The following ELMO1 variants were observed in gnomAD, a reference collection of about 807,000 sequenced individuals.
ELMO1 encodes the protein engulfment and cell motility protein 1.
A neutral mutation model predicts 98.9 loss-of-function variants in ELMO1; 26 were observed. That is an observed-to-expected ratio of 0.26 (90% CI 0.19 to 0.36). ELMO1 has a LOEUF of 0.36. ELMO1 is among the 10% of genes least tolerant of loss of function. The pLI, the probability that ELMO1 is intolerant of heterozygous loss-of-function variation, is 1.00. For missense variants in ELMO1, 627 were observed against 935.2 expected (o/e 0.67, Z 4.30); for synonymous variants, 346 against 346.0 (o/e 1.00, Z 0.00).
chr7:37,248,494 C>T (rs1398981444), intron 6 of ELMO1, among the ~76,000 whole-genome samples: 1 of 152,188 alleles, frequency 6.6e-6, no homozygotes, highest in African/African-American at 2.4e-5. Context: ...TCTGACAAAG[C>T]CCAAGAAGGT....
At chr7:37,378,785 C>T (rs540731845) in intron 1 of ELMO1, among the ~76,000 whole-genome samples, 1 of 151,946 alleles carries the variant, frequency 6.6e-6, no homozygotes, top group African/African-American at 2.4e-5. Context: ...ATATTCAAAA[C>T]TAACAGATCC....
rs191459433 is a variant in ELMO1 at position 37,046,262 on chromosome 7, G to C, written c.1301-32827C>G. 2.5e-4 allele frequency among the ~76,000 whole-genome samples: 38 copies of C among 152,302 alleles called. No homozygotes were observed. The East Asian group carries it at 7.3e-3, about 29-fold the overall frequency. On this transcript the variant is annotated intron_variant, in intron 15 of 21. Coordinates refer to ENST00000310758, the MANE Select transcript of ELMO1 (RefSeq NM_014800.11). ...CACAATTTCAATAGACTAACTCAGG[G>C]CTGGCCTCTGAAAGAGAGAAACTGC...
At chr7:37,279,848 T>C (rs1027992456) in intron 4 of ELMO1, among the ~76,000 whole-genome samples, 4 of 152,266 alleles carry the variant, frequency 2.6e-5, no homozygotes, top group Admixed American at 2.0e-4. Context: ...GGGAGCTGGG[T>C]GAAGCCTGTC....
At chr7:36,883,693 G>C (rs1299196678) in intron 18 of ELMO1, among the ~76,000 whole-genome samples, 1 of 152,120 alleles carries the variant, frequency 6.6e-6, no homozygotes, top group Admixed American at 6.5e-5. Flanking sequence ...GTTTCCTGTG[G>C]CCTCCCCAGA....
intron 17 of ELMO1, among the ~76,000 whole-genome samples, chr7:36,888,865 C>T (rs931321435): frequency 6.6e-6 from 1 of 152,208 alleles, no homozygotes; most frequent in African/African-American, 2.4e-5. Context: ...GAGAAAGGTA[C>T]TCATGCTTGT....
chr7:37,124,937 G>A (rs1786390442), intron 14 of ELMO1, among the ~76,000 whole-genome samples: 3 of 152,110 alleles, frequency 2.0e-5, no homozygotes, highest in Admixed American at 2.0e-4. Context: ...CCAAAACAGA[G>A]ATATAGATCA....
At position 36,887,574 on chromosome 7, in the gene ELMO1, G is replaced by A. The variant is rs1352299028; in HGVS notation, c.1700C>T (p.Ala567Val). Residue 567 changes from alanine (A) to valine (V), a missense_variant, in exon 18 of 22, where the codon GCC becomes GTC. Ala to Val is a moderately conservative substitution (Grantham distance 64). Around this residue, in one of 3 missense-constraint regions of ELMO1, gnomAD observed 492 missense variants for 715.6 expected, o/e 0.69. Coordinates refer to ENST00000310758, the MANE Select transcript of ELMO1 (RefSeq NM_014800.11). Reference protein sequence around the residue: ...VEGTCFRKLNARRRQDKFWYC... With the variant: ...VEGTCFRKLNVRRRQDKFWYC... ...AGAAACAATACCTTGCCTCCGCCGGGCATTGAGTTTCCTAAAGCAGGTCCC... is the reference window on the plus strand; with the variant it reads ...AGAAACAATACCTTGCCTCCGCCGGACATTGAGTTTCCTAAAGCAGGTCCC... 4 of 1,614,048 alleles carry A rather than the reference G, an allele frequency of 2.5e-6. No individual in the cohort carries two copies. Among genetic ancestry groups the A allele is most frequent in the South Asian group, 1.1e-5 (1 of 91,082 alleles).
chr7:37,447,879 C>G (rs1364461407), intron 1 of ELMO1, among the ~76,000 whole-genome samples: 3 of 152,044 alleles, frequency 2.0e-5, no homozygotes, highest in South Asian at 2.1e-4. Flanking sequence ...TCGCCACTCT[C>G]CGCTCCGATT....
chr7:37,164,982 C>G (rs1789545651), intron 13 of ELMO1, among the ~76,000 whole-genome samples: 1 of 151,950 alleles, frequency 6.6e-6, no homozygotes, highest in Non-Finnish European at 1.5e-5. Context: ...ATGGAATGTT[C>G]TTCCATTTGT....
At chr7:37,390,213 C>T (rs1490981826) in intron 1 of ELMO1, among the ~76,000 whole-genome samples, 1 of 152,242 alleles carries the variant, frequency 6.6e-6, no homozygotes, top group Non-Finnish European at 1.5e-5. Flanking sequence ...GCAGCTGTCG[C>T]TATGAGCATA....
chr7:36,994,038 T>G (rs1792040136), intron 16 of ELMO1, among the ~76,000 whole-genome samples: 1 of 152,198 alleles, frequency 6.6e-6, no homozygotes. Context: ...CAGTGGGAAG[T>G]GAGGAGTTGG....
chr7:37,155,503 A>AAAAAAATAAAAAAT (rs61189239), intron 13 of ELMO1, among the ~76,000 whole-genome samples: 9 of 131,734 alleles, frequency 6.8e-5, no homozygotes, highest in Non-Finnish European at 9.7e-5. Context: ...AAAAAAAAAA[A>AAAAAAATAAAAAAT]AAAAAGCAGG....
intron 16 of ELMO1, among the ~76,000 whole-genome samples, chr7:36,959,441 T>C (rs1788754650): frequency 6.6e-6 from 1 of 152,152 alleles, no homozygotes. Context: ...TTGAGGCTCA[T>C]AAAATAATAC....
At chr7:37,348,783 C>A (rs1347877497) in intron 1 of ELMO1, among the ~76,000 whole-genome samples, 1 of 152,162 alleles carries the variant, frequency 6.6e-6, no homozygotes, top group Admixed American at 6.5e-5. Flanking sequence ...TCTTAAAGAT[C>A]TGTTACATCT....
At chr7:37,199,477 TA>T (rs376154385) in intron 13 of ELMO1, among the ~76,000 whole-genome samples, 3 of 152,250 alleles carry the variant, frequency 2.0e-5, no homozygotes, top group African/African-American at 7.2e-5. Context: ...AACAAAGTTT[TA>T]AAAGTACAAT....
At chr7:37,123,242 A>C (rs187918384) in intron 14 of ELMO1, among the ~76,000 whole-genome samples, 1 of 152,336 alleles carries the variant, frequency 6.6e-6, no homozygotes, top group Non-Finnish European at 1.5e-5. Context: ...AAGCAAGAGC[A>C]AACACATTCA....
At chr7:36,985,439 G>A (rs1377227472) in intron 16 of ELMO1, among the ~76,000 whole-genome samples, 3 of 151,986 alleles carry the variant, frequency 2.0e-5, no homozygotes, top group Non-Finnish European at 4.4e-5. Context: ...ACGGAGAAGA[G>A]ATGCTTCATT....
intron 7 of ELMO1, among the ~76,000 whole-genome samples, chr7:37,242,002 CA>C (rs1256247077): frequency 1.3e-5 from 2 of 152,094 alleles, no homozygotes; most frequent in African/African-American, 4.8e-5. Flanking sequence ...CATGTCTCTC[CA>C]GTGTGAAGAA....
chr7:37,047,143 A>T (rs1425882701), intron 15 of ELMO1, among the ~76,000 whole-genome samples: 2 of 152,250 alleles, frequency 1.3e-5, no homozygotes, highest in Non-Finnish European at 2.9e-5. Flanking sequence ...ACAGGCATAG[A>T]GCTATGGCTG....
Sources: allele counts gnomAD v4.1 joint callset (sites outside exome capture counted in the v4.1 genomes callset), GRCh38; gene constraint gnomAD v4.1.1; regional missense constraint gnomAD v4.1.1; transcripts MANE v1.5; gene names NCBI Gene and HGNC (gene_info 2026-07-23, HGNC 2026-07-21).